The following CFAP20DC variants were observed in gnomAD, a reference collection of about 807,000 sequenced individuals.
CFAP20DC encodes the protein CFAP20 domain containing, also known as protein CFAP20DC.
CFAP20DC carries 84 observed loss-of-function variants against 101.7 expected under a neutral mutation model. The ratio of observed to expected loss-of-function variants is 0.83; its 90% CI spans 0.69 to 0.99. The LOEUF (loss-of-function observed/expected upper bound fraction) is 0.99, where lower values mean the gene tolerates loss of function less well. Ranked by LOEUF, CFAP20DC falls within the 50% of genes least tolerant of loss-of-function variation. The pLI is 0.00. For synonymous variants in CFAP20DC, 359 were observed against 351.2 expected, an observed-to-expected ratio of 1.02 and a Z score of -0.25; for missense variants, 1,007 against 970.3, an observed-to-expected ratio of 1.04 and a Z score of -0.50.
intron 4 of CFAP20DC, among the ~76,000 whole-genome samples, chr3:59,038,375 G>T (rs2094140621): frequency 6.6e-6 from 1 of 152,208 alleles, no homozygotes; most frequent in Non-Finnish European, 1.5e-5. Context: ...CTTGGCCAAT[G>T]GATTGAAATT....
At chr3:58,761,652 T>C (rs921964422) in intron 15 of CFAP20DC, among the ~76,000 whole-genome samples, 5 of 152,126 alleles carry the variant, frequency 3.3e-5, no homozygotes, top group Admixed American at 2.6e-4. Context: ...TAGATCTTTC[T>C]TGCTTTCTCT....
chr3:58,846,829 G>A (rs1438718440), intron 13 of CFAP20DC, among the ~76,000 whole-genome samples: 1 of 147,366 alleles, frequency 6.8e-6, no homozygotes, highest in East Asian at 2.0e-4. Context: ...ATAGATCAAT[G>A]GAACAGAACA....
At chr3:58,918,589 ATTTTGAAC>A (rs1353935884) in intron 5 of CFAP20DC, among the ~76,000 whole-genome samples, 16 of 152,008 alleles carry the variant, frequency 1.1e-4, no homozygotes, top group Admixed American at 1.0e-3. Context: ...CACTTTTAAA[ATTTTGAAC>A]TGGACGTTAT....
At chr3:58,840,534 C>T (rs1173668426) in intron 13 of CFAP20DC, among the ~76,000 whole-genome samples, 3 of 152,130 alleles carry the variant, frequency 2.0e-5, no homozygotes, top group African/African-American at 7.2e-5. Flanking sequence ...CAATATGTTA[C>T]CTGGCAGAAA....
chr3:58,811,995 C>T (rs2074680313), intron 14 of CFAP20DC, among the ~76,000 whole-genome samples: 1 of 152,102 alleles, frequency 6.6e-6, no homozygotes, highest in Admixed American at 6.6e-5. Flanking sequence ...CAAATCAAAA[C>T]CACAATGAGA....
chr3:59,014,157 C>T lies in CFAP20DC; in HGVS notation c.278+25400G>A, dbSNP rs2108899738. Among the ~76,000 whole-genome samples, 2 of 152,236 alleles carry T rather than the reference C, an allele frequency of 1.3e-5. No homozygotes were observed. On this transcript the variant is annotated intron_variant, in intron 4 of 16. Coordinates refer to ENST00000482387, the MANE Select transcript of CFAP20DC (RefSeq NM_001394063.1). The surrounding 1 kb of genome is among the most constrained non-coding windows in gnomAD (Gnocchi z 4.9). ...AAGCAGTGAGTTAGAAGGTTTAGCT[C>T]AGCTGCTGCCTAGAGTGATGGATGG...
At chr3:58,883,133 T>A (rs1394970960) in intron 7 of CFAP20DC, among the ~76,000 whole-genome samples, 1 of 152,314 alleles carries the variant, frequency 6.6e-6, no homozygotes, top group Admixed American at 6.5e-5. Context: ...CTCCTTGACC[T>A]CCTTCAAACT....
chr3:58,905,505 G>A (rs868285034), intron 6 of CFAP20DC, among the ~76,000 whole-genome samples: 2 of 152,104 alleles, frequency 1.3e-5, no homozygotes, highest in Non-Finnish European at 2.9e-5. Flanking sequence ...TCATTCTTCT[G>A]GAAAAGTGAA....
intron 7 of CFAP20DC, 134 bp downstream of exon 7, chr3:58,884,411 T>C: frequency 1.4e-6 from 1 of 720,656 alleles, no homozygotes. Context: ...CCTGGCGTGG[T>C]ATGTGGCAAG....
At chr3:58,813,031 G>A (rs1236510901) in intron 14 of CFAP20DC, among the ~76,000 whole-genome samples, 1 of 151,808 alleles carries the variant, frequency 6.6e-6, no homozygotes. Context: ...TTTAGTCTCA[G>A]TGTTAGTAAG....
At chr3:59,034,038 C>T (rs1182341541) in intron 4 of CFAP20DC, among the ~76,000 whole-genome samples, 2 of 152,096 alleles carry the variant, frequency 1.3e-5, no homozygotes, top group Non-Finnish European at 2.9e-5. Context: ...AGAATGGGGG[C>T]CAATATTCAA....
intron 5 of CFAP20DC, among the ~76,000 whole-genome samples, chr3:58,936,421 T>G (rs1484499663): frequency 1.3e-5 from 2 of 152,232 alleles, no homozygotes; most frequent in Admixed American, 6.5e-5. Context: ...ATCCCATTAC[T>G]GGGTATATAC....
chr3:58,727,384 C>A (rs1018835036), intron 3 of CFAP20DC: 2 of 152,376 alleles, frequency 1.3e-5, no homozygotes, highest in Admixed American at 1.3e-4. Context: ...TAATTGGCTT[C>A]TTATCTATTT....
intron 13 of CFAP20DC, among the ~76,000 whole-genome samples, chr3:58,847,333 ACC>A (rs1204510506): frequency 9.8e-4 from 146 of 148,730 alleles, no homozygotes; most frequent in African/African-American, 3.4e-3. Flanking sequence ...AAAACAAACA[ACC>A]CCATCAAAAA....
At chr3:58,844,520 G>T (rs2077439793) in intron 13 of CFAP20DC, among the ~76,000 whole-genome samples, 1 of 140,294 alleles carries the variant, frequency 7.1e-6, no homozygotes, top group South Asian at 2.2e-4. Context: ...AGCAAGTCCT[G>T]AGTGACCTAC....
rs2093646930 is a variant in CFAP20DC, at chr3:59,014,337, A to G, written c.278+25220T>C. The stretch of plus-strand genomic sequence containing the variant: ...AAACATAATGTGAAGCTACTTAAAA[A>G]TAATAAAAATCCACCAGAGATGATG... On this transcript the variant is annotated intron_variant, in intron 4 of 16. Transcript: ENST00000482387. This position sits in a 1 kb window ranked among gnomAD's most constrained non-coding sequence, Gnocchi z 4.9. Among the ~76,000 whole-genome samples the G allele has an allele frequency of 6.6e-6, 1 of 152,210 alleles. No homozygotes were observed. The highest frequency in any genetic ancestry group is 1.5e-5 in the Non-Finnish European group (1 of 68,024).
At chr3:59,003,993 T>C (rs895950583) in intron 4 of CFAP20DC, among the ~76,000 whole-genome samples, 1 of 152,192 alleles carries the variant, frequency 6.6e-6, no homozygotes, top group Non-Finnish European at 1.5e-5. Context: ...TTTGGTGCCC[T>C]TGGCTATTCT....
intron 15 of CFAP20DC, among the ~76,000 whole-genome samples, chr3:58,802,894 T>C (rs1160658656): frequency 6.6e-6 from 1 of 151,510 alleles, no homozygotes; most frequent in African/African-American, 2.4e-5. Context: ...GTTGCAGAAA[T>C]AAAAGTCTTT....
intron 13 of CFAP20DC, among the ~76,000 whole-genome samples, chr3:58,844,227 TAAAG>T (rs1380244799): frequency 2.8e-5 from 4 of 143,924 alleles, no homozygotes; most frequent in Non-Finnish European, 6.0e-5. Context: ...GCAAATTGGA[TAAAG>T]AGTCAAGACC....
Sources: gnomAD v4.1 joint callset for allele counts (sites outside exome capture counted in the v4.1 genomes callset) on GRCh38, gnomAD v4.1.1 for gene constraint, Gnocchi (gnomAD v3.1) non-coding constraint, MANE v1.5 for transcripts, NCBI Gene and HGNC (gene_info 2026-07-23, HGNC 2026-07-21) for gene names.